SYNE2: variants seen among roughly 807,000 people sequenced by gnomAD.
The protein encoded by SYNE2 is spectrin repeat containing nuclear envelope protein 2, also known as nesprin-2.
In SYNE2, 431 loss-of-function variants were observed where a neutral mutation model predicts 856.3. The ratio of observed to expected loss-of-function variants is 0.50; its 90% CI spans 0.47 to 0.55. SYNE2 has a LOEUF of 0.55. Ranked by LOEUF, SYNE2 falls within the 20% of genes least tolerant of loss-of-function variation. The pLI, the probability that SYNE2 is intolerant of heterozygous loss-of-function variation, is 0.00. For synonymous variants in SYNE2, 2,923 were observed against 2,872.3 expected (o/e 1.02, Z -0.56); for missense variants, 8,129 against 8,023.2 (o/e 1.01, Z -0.50).
At chr14:63,953,347 A>G (rs2096193650) in intron 7 of SYNE2, among the ~76,000 whole-genome samples, 1 of 152,178 alleles carries the variant, frequency 6.6e-6, no homozygotes. Context: ...AAGGACAGTG[A>G]CTAGGAGGGT....
Position 64,022,001 on chromosome 14 carries a change from C to T in SYNE2, c.5497C>T (p.Gln1833Ter), listed in dbSNP as rs767422439. The T allele has an allele frequency of 6.2e-7, 1 of 1,613,620 alleles. No homozygotes were observed. Among genetic ancestry groups the T allele is most frequent in the Non-Finnish European group, 8.5e-7 (1 of 1,179,782 alleles). ...DLFNTKKSVL[Q>*]DHFSKLLNDQ... ...ATTTAATACCAAAAAAAGTGTTTTGCAAGATCACTTTTCTAAGTTATTGAA... is the reference window on the plus strand; with the variant it reads ...ATTTAATACCAAAAAAAGTGTTTTGTAAGATCACTTTTCTAAGTTATTGAA... Residue 1833 changes from glutamine (Q) to a stop codon, truncating the protein, a stop_gained, in exon 37 of 116, where the codon CAA (glutamine) becomes TAA (stop). Coordinates refer to ENST00000555002, the MANE Select transcript of SYNE2 (RefSeq NM_182914.3). LOFTEE classifies it high-confidence loss of function.
chr14:64,038,153 C>T (rs1473342131), intron 45 of SYNE2, among the ~76,000 whole-genome samples: 11 of 152,276 alleles, frequency 7.2e-5, no homozygotes, highest in African/African-American at 2.6e-4. Context: ...GCGCTCCTCA[C>T]ATCCCAGACG....
intron 1 of SYNE2, among the ~76,000 whole-genome samples, chr14:63,827,625 C>CAAAAAAAAAAAAAAACAAA (rs1889486919): frequency 8.5e-4 from 24 of 28,382 alleles, no homozygotes; most frequent in Non-Finnish European, 1.2e-3. Context: ...AACTCTGTCT[C>CAAAAAAAAAAAAAAACAAA]AAAAAAAAAA....
intron 44 of SYNE2, 31 bp downstream of exon 44, chr14:64,030,090 T>C (rs1380380625): frequency 2.0e-5 from 32 of 1,606,648 alleles, no homozygotes; most frequent in Non-Finnish European, 2.7e-5. Flanking sequence ...ATGATAGACA[T>C]TTAAAAAAAA....
intron 39 of SYNE2, 29 bp from the exon 40 acceptor site, chr14:64,024,883 G>A: frequency 6.2e-7 from 1 of 1,612,880 alleles, no homozygotes; most frequent in Non-Finnish European, 8.5e-7. Flanking sequence ...TGCTTATTTT[G>A]TATTTAAACA....
chr14:64,129,700 C>T (rs985358674), intron 74 of SYNE2, 82 bp from the exon 75 acceptor site: 1 of 1,588,200 alleles, frequency 6.3e-7, no homozygotes, highest in East Asian at 2.3e-5. Flanking sequence ...CCTTTCTGTA[C>T]TATTTAATTC....
chr14:64,217,422 G>A (rs898490454), intron 108 of SYNE2, among the ~76,000 whole-genome samples: 6 of 152,342 alleles, frequency 3.9e-5, no homozygotes, highest in Admixed American at 1.3e-4. Context: ...GGGCAGCAGC[G>A]AGAGAAATTA....
At chr14:63,915,953 T>C (rs1425149352) in intron 2 of SYNE2, among the ~76,000 whole-genome samples, 1 of 151,996 alleles carries the variant, frequency 6.6e-6, no homozygotes, top group Non-Finnish European at 1.5e-5. Flanking sequence ...CAATGTTTAA[T>C]TTTATTCATT....
chr14:64,202,633 G>A (rs78499438), intron 99 of SYNE2, among the ~76,000 whole-genome samples, 168 bp from the exon 100 acceptor site: 19 of 152,266 alleles, frequency 1.2e-4, no homozygotes, highest in Middle Eastern at 3.4e-3. Context: ...CTGAGAACTC[G>A]TATCTGGTGA....
At position 64,162,150 on chromosome 14, in the gene SYNE2, C is replaced by T. The variant is rs1230866976; in HGVS notation, c.16173C>T (p.Ser5391=). 3.7e-6 allele frequency: 6 copies of T among 1,614,218 alleles called. No homozygotes were observed. Among genetic ancestry groups the T allele is most frequent in the South Asian group, 1.1e-5 (1 of 91,084 alleles). ...TGCTCCAGCTCTGGAAGGCCTATAG[C>T]AATGCTCATGGTGAAGCTGCCGCAA... ...QSLLQLWKAY[S]NAHGEAAARL... The change falls in exon 88 of 116, where the codon AGC becomes AGT. Residue 5391 remains serine, a synonymous_variant. Coordinates refer to ENST00000555002, the MANE Select transcript of SYNE2 (RefSeq NM_182914.3).
intron 99 of SYNE2, among the ~76,000 whole-genome samples, chr14:64,196,230 G>T (rs1307354846): frequency 6.6e-6 from 1 of 152,074 alleles, no homozygotes; most frequent in African/African-American, 2.4e-5. Context: ...ACTAAATGTT[G>T]GTCTTTAGGG....
chr14:63,979,026 A>G lies in SYNE2; in HGVS notation c.1569+12A>G, dbSNP rs1225419536. On this transcript the variant is annotated intron_variant, in intron 14 of 115. Transcript: ENST00000555002. ...TGGAAGACTGGCATGTAAGCTTTTC[A>G]ATTTTGTGTCTTAGGCAACTCCTCC... The G allele has an allele frequency of 1.2e-6, 2 of 1,613,104 alleles. No individual in the cohort carries two copies. The highest frequency in any genetic ancestry group is 1.7e-6 in the Non-Finnish European group (2 of 1,179,506).
intron 89 of SYNE2, among the ~76,000 whole-genome samples, chr14:64,164,633 G>A (rs2098359848): frequency 6.6e-6 from 1 of 152,130 alleles, no homozygotes; most frequent in Non-Finnish European, 1.5e-5. Context: ...TCACATCTCA[G>A]TACCAGCAGG....
intron 57 of SYNE2, among the ~76,000 whole-genome samples, chr14:64,082,124 T>A (rs1334495401): frequency 6.6e-6 from 1 of 151,470 alleles, no homozygotes; most frequent in Non-Finnish European, 1.5e-5. Context: ...GTGCTGATGG[T>A]TTTGGTTGTT....
intron 78 of SYNE2, among the ~76,000 whole-genome samples, chr14:64,136,285 A>G (rs892314751): frequency 8.0e-6 from 1 of 125,310 alleles, no homozygotes; most frequent in South Asian, 2.7e-4. Flanking sequence ...GCGAGACTTC[A>G]TCTCAAAAAA....
chr14:63,981,599 G>T (rs1353549705), intron 16 of SYNE2, among the ~76,000 whole-genome samples: 1 of 152,122 alleles, frequency 6.6e-6, no homozygotes, highest in East Asian at 1.9e-4. Context: ...AAATCTTCCT[G>T]AGTTTCTATA....
chr14:64,186,659 C>A, intron 97 of SYNE2, 80 bp downstream of exon 97: 1 of 1,594,664 alleles, frequency 6.3e-7, no homozygotes, highest in Non-Finnish European at 8.6e-7. Context: ...TAGAAAGGAG[C>A]TTAATTTCAT....
chr14:64,155,239 A>G (rs572025093), intron 85 of SYNE2, among the ~76,000 whole-genome samples: 1 of 152,360 alleles, frequency 6.6e-6, no homozygotes, highest in Admixed American at 6.5e-5. Context: ...TAATGAATGT[A>G]TAAAGAAAAC....
At chr14:64,187,618 T>G (rs1417961288) in intron 97 of SYNE2, among the ~76,000 whole-genome samples, 1 of 152,210 alleles carries the variant, frequency 6.6e-6, no homozygotes, top group Non-Finnish European at 1.5e-5. Flanking sequence ...GGCTAGGATA[T>G]ATAAGCATTC....
Sources: allele counts gnomAD v4.1 joint callset (sites outside exome capture counted in the v4.1 genomes callset), GRCh38; gene constraint gnomAD v4.1.1; transcripts MANE v1.5; gene names NCBI Gene and HGNC (gene_info 2026-07-23, HGNC 2026-07-21).